The following PTPRG variants were observed in gnomAD, a reference collection of about 807,000 sequenced individuals.
PTPRG encodes the protein protein tyrosine phosphatase receptor type G.
A neutral mutation model predicts 165.3 loss-of-function variants in PTPRG; 102 were observed. The ratio of observed to expected loss-of-function variants is 0.62; its 90% CI spans 0.53 to 0.73. The LOEUF is 0.73. Ranked by LOEUF, PTPRG falls within the 30% of genes least tolerant of loss-of-function variation. The probability of loss-of-function intolerance (pLI) is 0.00; values close to 1 mark genes in which losing one functional copy is unlikely to be tolerated. For synonymous variants in PTPRG, 675 were observed against 669.5 expected (o/e 1.01, Z -0.13); for missense variants, 1,866 against 1,861.4 (o/e 1.00, Z -0.05).
intron 2 of PTPRG, among the ~76,000 whole-genome samples, chr3:61,923,432 G>A (rs1027738338): frequency 2.0e-5 from 3 of 151,740 alleles, no homozygotes; most frequent in Non-Finnish European, 4.4e-5. Context: ...TATACTTCAA[G>A]TTTTAGGGTA....
At chr3:62,123,741 T>C (rs568369349) in intron 5 of PTPRG, among the ~76,000 whole-genome samples, 24 of 152,240 alleles carry the variant, frequency 1.6e-4, no homozygotes, top group Admixed American at 1.5e-3. Flanking sequence ...TTCACTTAAA[T>C]AGATATATTT....
At chr3:62,037,948 G>C (rs79006034) in intron 4 of PTPRG, among the ~76,000 whole-genome samples, 18,272 of 152,142 alleles carry the variant, frequency 0.12, 1,233 homozygotes, top group African/African-American at 0.17. Context: ...CTGAGAAGTA[G>C]GGCTTCAATC....
At chr3:62,189,849 C>A (rs1699763961) in intron 8 of PTPRG, among the ~76,000 whole-genome samples, 1 of 152,112 alleles carries the variant, frequency 6.6e-6, no homozygotes, top group Non-Finnish European at 1.5e-5. Context: ...CAAATCTGGC[C>A]CCAAGGCTTC....
intron 5 of PTPRG, among the ~76,000 whole-genome samples, chr3:62,095,036 A>G (rs1474558037): frequency 1.3e-5 from 2 of 152,224 alleles, no homozygotes; most frequent in East Asian, 1.9e-4. Flanking sequence ...TTTATAAATG[A>G]TGAAATGTCG....
intron 2 of PTPRG, among the ~76,000 whole-genome samples, chr3:61,767,534 A>C (rs659373): frequency 0.85 from 128,950 of 152,200 alleles, 54,943 homozygotes; most frequent in East Asian, 0.94. Context: ...TTTCATATTA[A>C]TTGGTTGGCA....
intron 5 of PTPRG, among the ~76,000 whole-genome samples, chr3:62,106,933 C>T (rs573512484): frequency 5.3e-5 from 8 of 152,244 alleles, no homozygotes; most frequent in South Asian, 2.1e-4. Context: ...GATATTAATA[C>T]GGGAACCTTA....
intron 2 of PTPRG, among the ~76,000 whole-genome samples, chr3:61,775,705 A>G (rs1014167785): frequency 4.6e-5 from 7 of 152,158 alleles, no homozygotes; most frequent in Non-Finnish European, 8.8e-5. Context: ...AGACTGGATT[A>G]AGAAAATGTG....
At chr3:61,945,860 C>T (rs1871394) in intron 2 of PTPRG, among the ~76,000 whole-genome samples, 127,495 of 152,148 alleles carry the variant, frequency 0.84, 53,908 homozygotes, top group African/African-American at 0.94. Context: ...GCAGACAAGA[C>T]GGCTATTTCT....
At chr3:62,002,059 T>C (rs1024165578) in intron 3 of PTPRG, among the ~76,000 whole-genome samples, 1 of 152,242 alleles carries the variant, frequency 6.6e-6, no homozygotes, top group Admixed American at 6.5e-5. Flanking sequence ...GTTCTACTAA[T>C]TGAGCATTCC....
intron 5 of PTPRG, among the ~76,000 whole-genome samples, chr3:62,091,062 A>G (rs995890624): frequency 3.9e-5 from 6 of 152,244 alleles, no homozygotes; most frequent in African/African-American, 1.4e-4. Flanking sequence ...TAAAATAACA[A>G]TGTTGATGAT....
intron 4 of PTPRG, among the ~76,000 whole-genome samples, chr3:62,048,830 G>A (rs982108688): frequency 2.0e-5 from 3 of 152,118 alleles, no homozygotes; most frequent in Non-Finnish European, 4.4e-5. Flanking sequence ...CCCCTCCTGC[G>A]AGGAACAAAG....
At chr3:62,281,396 CA>C (rs1702430402) in intron 26 of PTPRG, among the ~76,000 whole-genome samples, 166 bp from the exon 27 acceptor site, 1 of 151,812 alleles carries the variant, frequency 6.6e-6, no homozygotes, top group South Asian at 2.1e-4. Flanking sequence ...CAATAGAATA[CA>C]ATAACCATTC....
chr3:61,927,521 G>T (rs189127478), intron 2 of PTPRG, among the ~76,000 whole-genome samples: 61 of 152,290 alleles, frequency 4.0e-4, no homozygotes, highest in Non-Finnish European at 6.2e-4. Context: ...GATGAACTTG[G>T]CCATGAGTGT....
At position 62,207,087 on chromosome 3, in the gene PTPRG, G is replaced by A. The variant is rs1425044777; in HGVS notation, c.2155+3137G>A. Among the ~76,000 whole-genome samples, 10 of 152,236 alleles carry A rather than the reference G, an allele frequency of 6.6e-5. No homozygotes were observed. The East Asian group carries it at 1.5e-3, about 24-fold the overall frequency. ...AAGTCTGAAAATGGTGGTGATGATT[G>A]TTTAAGCCAGATATAAGCAAACTTT... On this transcript the variant is annotated intron_variant, in intron 12 of 29. Coordinates refer to ENST00000474889, the MANE Select transcript of PTPRG (RefSeq NM_002841.4).
intron 2 of PTPRG, among the ~76,000 whole-genome samples, chr3:61,879,090 C>T (rs1389683432): frequency 6.6e-6 from 1 of 152,060 alleles, no homozygotes; most frequent in Non-Finnish European, 1.5e-5. Context: ...TGACATTAAC[C>T]CCATTTCCTT....
intron 1 of PTPRG, among the ~76,000 whole-genome samples, chr3:61,669,076 T>C (rs1702892150): frequency 6.6e-6 from 1 of 152,356 alleles, no homozygotes; most frequent in South Asian, 2.1e-4. Context: ...GTTTGTATTA[T>C]TGACATTACC....
At chr3:62,150,628 C>G (rs1704298506) in intron 6 of PTPRG, among the ~76,000 whole-genome samples, 1 of 152,130 alleles carries the variant, frequency 6.6e-6, no homozygotes, top group African/African-American at 2.4e-5. Flanking sequence ...AGCCCTGCCC[C>G]AGTGATCTTA....
At chr3:61,914,693 C>T (rs1333879577) in intron 2 of PTPRG, among the ~76,000 whole-genome samples, 1 of 152,010 alleles carries the variant, frequency 6.6e-6, no homozygotes, top group East Asian at 1.9e-4. Context: ...AGCTTATTTC[C>T]AAGAAATTAC....
chr3:62,023,629 C>T (rs2041747577), intron 4 of PTPRG, among the ~76,000 whole-genome samples: 1 of 152,092 alleles, frequency 6.6e-6, no homozygotes, highest in African/African-American at 2.4e-5. Flanking sequence ...TGCACAGTTA[C>T]CAAAAATGGC....
Sources: allele counts gnomAD v4.1 joint callset (sites outside exome capture counted in the v4.1 genomes callset), GRCh38; gene constraint gnomAD v4.1.1; transcripts MANE v1.5; gene names NCBI Gene and HGNC (gene_info 2026-07-23, HGNC 2026-07-21).